Variants in CDR2 observed in about 807,000 individuals in gnomAD.
CDR2 encodes cerebellar degeneration related protein 2, also known as cerebellar degeneration-related protein 2.
In CDR2, 34 loss-of-function variants were observed where a neutral mutation model predicts 48.4. That is an observed-to-expected ratio of 0.70 (90% confidence interval 0.53 to 0.94). The LOEUF is 0.94. Ranked by LOEUF, CDR2 falls within the 40% of genes least tolerant of loss-of-function variation. The pLI is 0.00. For missense variants in CDR2, 498 were observed against 549.5 expected (o/e 0.91, Z 0.94); for synonymous variants, 240 against 219.7 (o/e 1.09, Z -0.82).
chr16:22,348,073 G>T (rs1324007335), intron 4 of CDR2, among the ~76,000 whole-genome samples: 2 of 152,160 alleles, frequency 1.3e-5, no homozygotes, highest in East Asian at 3.8e-4. Flanking sequence ...GAGTAACTGG[G>T]ATTTTAGACA....
intron 2 of CDR2, among the ~76,000 whole-genome samples, chr16:22,356,752 T>TA (rs2048976492): frequency 6.6e-6 from 1 of 151,084 alleles, no homozygotes; most frequent in Non-Finnish European, 1.5e-5. Context: ...AGACTTTGTC[T>TA]AAAAAATAAA....
rs1426543684 is a variant in CDR2, at chr16:22,346,239, C to T, written c.*726G>A. The T allele has an allele frequency of 6.6e-6, 1 of 152,574 alleles. No individual in the cohort carries two copies. The highest frequency in any genetic ancestry group is 1.5e-5 in the Non-Finnish European group (1 of 68,036). 9.5% of individuals were successfully genotyped at this position (152,574 alleles called of 1,614,324 possible). A position where few individuals can be genotyped will look rare whatever the true frequency, so the allele number is the denominator to read the frequency against. ...ATTTGAGAAAGTGATAAAAGATTTA[C>T]ATATTCACCTATCCTAAAGGCTAGA... On this transcript the variant is annotated 3_prime_UTR_variant, in exon 5 of 5. Transcript: ENST00000268383.
chr16:22,349,037 C>A, intron 4 of CDR2: 2 of 375,604 alleles, frequency 5.3e-6, no homozygotes, highest in Admixed American at 4.1e-5. Context: ...CAGAATTCAT[C>A]TTAAACTATG....
intron 2 of CDR2, among the ~76,000 whole-genome samples, chr16:22,357,282 C>A (rs1598293384): frequency 6.6e-6 from 1 of 152,280 alleles, no homozygotes; most frequent in East Asian, 1.9e-4. Context: ...CTCCTGACCT[C>A]AGGAGATCCA....
intron 2 of CDR2, among the ~76,000 whole-genome samples, chr16:22,359,209 C>T (rs574888621): frequency 6.6e-6 from 1 of 152,124 alleles, no homozygotes; most frequent in Non-Finnish European, 1.5e-5. Context: ...CTCACTGCAA[C>T]CTCCACCTCC....
At chr16:22,354,261 T>G (rs530022167) in intron 2 of CDR2, among the ~76,000 whole-genome samples, 1 of 152,268 alleles carries the variant, frequency 6.6e-6, no homozygotes, top group Admixed American at 6.5e-5. Flanking sequence ...ATCCTGGACG[T>G]CCCCTGCCCT....
At chr16:22,360,189 C>T (rs1270065071) in intron 2 of CDR2, among the ~76,000 whole-genome samples, 1 of 152,122 alleles carries the variant, frequency 6.6e-6, no homozygotes, top group East Asian at 1.9e-4. Context: ...GGTGTCTGAT[C>T]TCATTACTCT....
At position 22,374,292 on chromosome 16, in the gene CDR2, C is replaced by A. The variant is rs151255507; in HGVS notation, c.18G>T (p.Leu6=). The change falls in exon 1 of 5, where the codon CTG becomes CTT. Residue 6 remains leucine (L), a synonymous_variant. Coordinates refer to ENST00000268383, the MANE Select transcript of CDR2 (RefSeq NM_001802.2). ...CCTCCTTCATCTCAAACTCCTCTACCAGGTTTTCCGCCAGCATCTCGGCTG... is the reference window on the plus strand; with the variant it reads ...CCTCCTTCATCTCAAACTCCTCTACAAGGTTTTCCGCCAGCATCTCGGCTG... The part of the protein sequence containing the change: MLAEN[L]VEEFEMKEDE... 1 of 1,601,296 alleles carries A rather than the reference C, an allele frequency of 6.2e-7. No individual in the cohort carries two copies. Among genetic ancestry groups the A allele is most frequent in the Non-Finnish European group, 8.5e-7 (1 of 1,174,544 alleles).
At chr16:22,365,261 T>C in intron 1 of CDR2, 1 of 366,588 alleles carries the variant, frequency 2.7e-6, no homozygotes, top group East Asian at 4.9e-5. Flanking sequence ...GAGATGCAGT[T>C]ATTTGTTCAG....
chr16:22,357,460 C>T (rs556702706), intron 2 of CDR2, among the ~76,000 whole-genome samples: 1 of 152,342 alleles, frequency 6.6e-6, no homozygotes, highest in South Asian at 2.1e-4. Flanking sequence ...CTTTTCTTCA[C>T]AACAGCTTAT....
At position 22,347,933 on chromosome 16, in the gene CDR2, A is replaced by C. The variant is rs1039248649; in HGVS notation, c.507-110T>G. On this transcript the variant is annotated intron_variant, in intron 4 of 4. Coordinates refer to ENST00000268383, the MANE Select transcript of CDR2 (RefSeq NM_001802.2). ...ATAAATTTGAGGAGCTGTGACAGTG[A>C]CTAATTTTTTTTTCTTTTTTTTTGA... The C allele has an allele frequency of 1.6e-5, 17 of 1,085,274 alleles. No individual in the cohort carries two copies. The African/African-American group carries it at 2.7e-4, about 17-fold the overall frequency. 67.2% of individuals were successfully genotyped at this position (1,085,274 alleles called of 1,614,324 possible). A position where few individuals can be genotyped will look rare whatever the true frequency, so the allele number is the denominator to read the frequency against.
intron 1 of CDR2, among the ~76,000 whole-genome samples, chr16:22,371,969 C>G (rs888755412): frequency 6.6e-6 from 1 of 152,046 alleles, no homozygotes. Context: ...CTCCCAGTTT[C>G]AAGCAATTCT....
chr16:22,357,792 A>T (rs1048996958), intron 2 of CDR2, among the ~76,000 whole-genome samples: 1 of 152,234 alleles, frequency 6.6e-6, no homozygotes, highest in Non-Finnish European at 1.5e-5. Flanking sequence ...CAAACAGGCC[A>T]TTTAAGAAAC....
Position 22,349,337 on chromosome 16 carries a change from C to T in CDR2, c.448G>A (p.Asp150Asn), listed in dbSNP as rs375498193. Residue 150 changes from aspartate (D) to asparagine (N), a missense_variant, in exon 4 of 5, where the codon GAC (aspartate) becomes AAC (asparagine). By Grantham distance (23) the Asp-to-Asn change is conservative (BLOSUM62 1). Transcript: ENST00000268383. ...GQGRRSPGKC[D>N]QEKPAPSFAC... Reference sequence around the variant, plus strand: ...AAGCTGGGTGCCGGTTTCTCCTGGTCACACTTTCCCGGGCTCCTTCTCCCT... The same window carrying T: ...AAGCTGGGTGCCGGTTTCTCCTGGTTACACTTTCCCGGGCTCCTTCTCCCT... 1.2e-5 allele frequency: 20 copies of T among 1,614,180 alleles called. No homozygotes were observed. The highest frequency in any genetic ancestry group is 1.7e-5 in the Non-Finnish European group (20 of 1,180,042).
rs1269233866 is a variant in CDR2, at chr16:22,360,737, ATC to A, written c.192+4163_192+4164del. Among the ~76,000 whole-genome samples the A allele has an allele frequency of 9.1e-3, 953 of 104,286 alleles. 23 individuals are homozygous for A. Among genetic ancestry groups the A allele is most frequent in the African/African-American group, 0.033 (902 of 27,360 alleles). The allele number at this position is 104,286 out of a possible 152,430, so 68.4% of individuals were successfully genotyped here. Reference sequence around the variant, plus strand: ...TATATTTTTCTGAATTAAAAAAATGATCTTTTTTTTTTTTTTTTTTTTTTTTT... The same window carrying A: ...TATATTTTTCTGAATTAAAAAAATGATTTTTTTTTTTTTTTTTTTTTTTTT... On this transcript the variant is annotated intron_variant, in intron 2 of 4. Coordinates refer to ENST00000268383, the MANE Select transcript of CDR2 (RefSeq NM_001802.2).
intron 4 of CDR2, 39 bp downstream of exon 4, chr16:22,349,240 C>G (rs762585827): frequency 6.2e-7 from 1 of 1,606,898 alleles, no homozygotes; most frequent in Non-Finnish European, 8.5e-7. Context: ...TGACATGAGA[C>G]AGTCCCTGCT....
chr16:22,347,072 G>A lies in CDR2; in HGVS notation c.1258C>T (p.Pro420Ser). The change falls in exon 5 of 5, where the codon CCA becomes TCA. Residue 420 changes from proline to serine, a missense_variant. By Grantham distance (74) the Pro-to-Ser change is moderately conservative. Coordinates refer to ENST00000268383, the MANE Select transcript of CDR2 (RefSeq NM_001802.2). ...PEPVSSPTTP[P>S]EYKALFKEIF... Reference sequence around the variant, plus strand: ...TCCTTAAACAACGCTTTGTATTCTGGAGGTGTTGTAGGGGAACTCACGGGC... The same window carrying A: ...TCCTTAAACAACGCTTTGTATTCTGAAGGTGTTGTAGGGGAACTCACGGGC... 1.2e-6 allele frequency: 2 copies of A among 1,614,202 alleles called. No individual in the cohort carries two copies. The highest frequency in any genetic ancestry group is 1.7e-6 in the Non-Finnish European group (2 of 1,180,030).
At chr16:22,353,647 T>G (rs1458565605) in intron 2 of CDR2, among the ~76,000 whole-genome samples, 5 of 152,144 alleles carry the variant, frequency 3.3e-5, no homozygotes, top group African/African-American at 1.2e-4. Context: ...TAACGGGCCT[T>G]TATCACCACT....
intron 1 of CDR2, among the ~76,000 whole-genome samples, chr16:22,370,837 A>G (rs1053534334): frequency 6.6e-6 from 1 of 152,242 alleles, no homozygotes; most frequent in Non-Finnish European, 1.5e-5. Flanking sequence ...TGATACAAAG[A>G]TTCAATCTAT....
Sources: allele counts gnomAD v4.1 joint callset (sites outside exome capture counted in the v4.1 genomes callset), GRCh38; gene constraint gnomAD v4.1.1; transcripts MANE v1.5; gene names NCBI Gene and HGNC (gene_info 2026-07-23, HGNC 2026-07-21).